The following NID2 variants were observed in gnomAD, a reference collection of about 807,000 sequenced individuals.
NID2 encodes the protein nidogen-2.
A neutral mutation model predicts 145.4 loss-of-function variants in NID2; 83 were observed. The ratio of observed to expected loss-of-function variants is 0.57; its 90% confidence interval spans 0.48 to 0.69. The LOEUF is 0.69. NID2 is among the 30% of genes least tolerant of loss of function. NID2 has a pLI of 0.00. For missense variants in NID2, 1,807 were observed against 1,765.7 expected (o/e 1.02, Z -0.42); for synonymous variants, 739 against 701.3 (o/e 1.05, Z -0.85).
intron 5 of NID2, among the ~76,000 whole-genome samples, chr14:52,045,901 G>GTA (rs386381376): frequency 3.3e-5 from 5 of 151,928 alleles, no homozygotes; most frequent in African/African-American, 1.2e-4. Context: ...TATGCAAACT[G>GTA]TCTTTCAGCT....
intron 1 of NID2, among the ~76,000 whole-genome samples, chr14:52,068,483 C>T (rs962828169): frequency 6.6e-6 from 1 of 152,238 alleles, no homozygotes; most frequent in Non-Finnish European, 1.5e-5. Flanking sequence ...AGCCTTCTCG[C>T]GGTCCTAACT....
intron 12 of NID2, among the ~76,000 whole-genome samples, chr14:52,025,813 C>A (rs1320568378): frequency 6.6e-6 from 1 of 150,780 alleles, no homozygotes; most frequent in Non-Finnish European, 1.5e-5. Flanking sequence ...CCCTACCTCT[C>A]AATACTGCCA....
Position 52,014,311 on chromosome 14 carries a change from T to C in NID2, c.3396A>G (p.Ala1132=), listed in dbSNP as rs773670176. The C allele has an allele frequency of 6.2e-7, 1 of 1,614,224 alleles. No individual in the cohort carries two copies. The highest frequency in any genetic ancestry group is 2.2e-5 in the East Asian group (1 of 44,874). ...CATGCAGAGACAGCAGGGTCTTAGC[T>C]GCATCCTTCTGAAGCCTGGTGCCAT... ...PLNGTRLQKD[A]AKTLLSLHGS... Residue 1132 remains alanine (A), a synonymous_variant, in exon 16 of 22, where the codon GCA becomes GCG. Transcript: ENST00000216286.
In NID2 at chr14:52,030,562, A is replaced by ACG. The variant is rs1555363717; in HGVS notation, c.2258-873_2258-872insCG. ...AAAGAAAGAAAGAAAGAAAGAAAGAAAGAAAGGAAGGAAGGGAAAGAAAGA... is the reference window on the plus strand; with the variant it reads ...AAAGAAAGAAAGAAAGAAAGAAAGAACGAGAAAGGAAGGAAGGGAAAGAAAGA... On this transcript the variant is annotated intron_variant, in intron 9 of 21. Transcript: ENST00000216286. 1.4e-3 allele frequency among the ~76,000 whole-genome samples: 91 copies of ACG among 65,090 alleles called. 3 individuals are homozygous for ACG. The highest frequency in any genetic ancestry group is 4.8e-3 in the Admixed American group (26 of 5,468). 42.7% of individuals were successfully genotyped at this position (65,090 alleles called of 152,430 possible).
chr14:52,027,133 T>C lies in NID2; in HGVS notation c.2674+68A>G, dbSNP rs1231197069. 8 of 1,370,242 alleles carry C rather than the reference T, an allele frequency of 5.8e-6. No homozygotes were observed. The African/African-American group carries it at 7.5e-5, about 13-fold the overall frequency. The allele number at this position is 1,370,242 out of a possible 1,614,324, so 84.9% of individuals were successfully genotyped here. A position where few individuals can be genotyped will look rare whatever the true frequency, so the allele number is the denominator to read the frequency against. On this transcript the variant is annotated intron_variant, in intron 12 of 21. Coordinates refer to ENST00000216286, the MANE Select transcript of NID2 (RefSeq NM_007361.4). ...AGTCCTTTGTCTTTTCTGGGAGAGC[T>C]CCATCTATGTGGGGATGTGCATCCA...
At chr14:52,014,515 A>G (rs1166489290) in intron 15 of NID2, 59 bp from the exon 16 acceptor site, 1 of 1,526,914 alleles carries the variant, frequency 6.5e-7, no homozygotes, top group Non-Finnish European at 8.9e-7. Flanking sequence ...GGAGATGGGA[A>G]GAAAAGTTAC....
chr14:52,024,405 C>T (rs1262369307), intron 12 of NID2, among the ~76,000 whole-genome samples: 1 of 152,206 alleles, frequency 6.6e-6, no homozygotes, highest in East Asian at 1.9e-4. Context: ...CAACAACCAG[C>T]AAGGAACCAA....
At chr14:52,030,059 A>G (rs557605683) in intron 9 of NID2, among the ~76,000 whole-genome samples, 1 of 152,286 alleles carries the variant, frequency 6.6e-6, no homozygotes, top group Admixed American at 6.5e-5. Flanking sequence ...TTCACAGATA[A>G]GGAAATCAAG....
rs185396839 is a variant in NID2 at position 52,060,110 on chromosome 14, T to A, written c.767+14A>T. ...TATTCAAATAGGAAAGGGCTTCAGC[T>A]CAATGTTACTTACTGATAGAGATTT... On this transcript the variant is annotated intron_variant, in intron 3 of 21. Transcript: ENST00000216286. The A allele has an allele frequency of 4.3e-5, 67 of 1,571,266 alleles. No individual in the cohort carries two copies. The East Asian group carries it at 1.4e-3, about 32-fold the overall frequency.
intron 18 of NID2, chr14:52,010,634 GAC>G (rs1304531230): frequency 2.4e-6 from 1 of 417,210 alleles, no homozygotes; most frequent in African/African-American, 2.0e-5. Context: ...TCACATCACA[GAC>G]TAATATTGTT....
chr14:52,036,602 C>T (rs1311987184), intron 9 of NID2, among the ~76,000 whole-genome samples: 2 of 152,210 alleles, frequency 1.3e-5, no homozygotes, highest in Non-Finnish European at 2.9e-5. Flanking sequence ...ACAGTAGCCA[C>T]ATCATTTTAT....
intron 18 of NID2, 35 bp from the exon 19 acceptor site, chr14:52,008,002 C>A (rs756927492): frequency 6.4e-7 from 1 of 1,573,004 alleles, no homozygotes; most frequent in South Asian, 1.2e-5. Flanking sequence ...AAAAGAATAG[C>A]CATGTAGCCT....
chr14:52,011,148 A>G, intron 17 of NID2, 101 bp from the exon 18 acceptor site: 1 of 1,163,620 alleles, frequency 8.6e-7, no homozygotes, highest in Admixed American at 2.0e-5. Context: ...AGCAGGGGAA[A>G]GCAAAGCCCA....
chr14:52,068,160 C>T lies in NID2; in HGVS notation c.232G>A (p.Gly78Ser), dbSNP rs1160538672. Residue 78 changes from glycine (G) to serine (S), a missense_variant, in exon 2 of 22, where the codon GGC becomes AGC. Coordinates refer to ENST00000216286, the MANE Select transcript of NID2 (RefSeq NM_007361.4). Reference sequence around the variant, plus strand: ...TGAGTGGAGATGATGCCGTTGGTGCCCACCTGGGAGAGGAGAGGGACAAAA... The same window carrying T: ...TGAGTGGAGATGATGCCGTTGGTGCTCACCTGGGAGAGGAGAGGGACAAAA... Reference protein sequence around the residue: ...YEARFSNLYVGTNGIISTQDF... With the variant: ...YEARFSNLYVSTNGIISTQDF... 1 of 1,612,862 alleles carries T rather than the reference C, an allele frequency of 6.2e-7. No individual in the cohort carries two copies. Among genetic ancestry groups the T allele is most frequent in the African/African-American group, 1.3e-5 (1 of 75,038 alleles).
rs141679360 is a variant in NID2, at chr14:52,037,418, A to G, written c.2257+1329T>C. On this transcript the variant is annotated intron_variant, in intron 9 of 21. Coordinates refer to ENST00000216286, the MANE Select transcript of NID2 (RefSeq NM_007361.4). ...ATTAACTCGTCATTTAGCATTAGGT[A>G]TATCTCCTAATGCTATCCCTCCCCA... Among the ~76,000 whole-genome samples the G allele has an allele frequency of 1.0e-3, 158 of 152,218 alleles. 1 individual carries two copies. The highest frequency in any genetic ancestry group is 3.6e-3 in the African/African-American group (148 of 41,538).
chr14:52,010,290 TTTCTCAAGATATAAAAATTCTCCCTGA>T (rs1462412395), intron 18 of NID2: 1 of 152,234 alleles, frequency 6.6e-6, no homozygotes, highest in Non-Finnish European at 1.5e-5. Flanking sequence ...ATGGCAAGAG[TTTCTCAAGATATAAAAATTCTCCCTGA>T]TTGTAACAAG....
intron 14 of NID2, 118 bp downstream of exon 14, chr14:52,018,943 G>T: frequency 1.4e-6 from 1 of 695,036 alleles, no homozygotes; most frequent in Non-Finnish European, 2.5e-6. Flanking sequence ...AGTCTTCTCA[G>T]GAGGAAAGAG....
chr14:52,026,302 G>T (rs559876038), intron 12 of NID2, among the ~76,000 whole-genome samples: 1 of 152,352 alleles, frequency 6.6e-6, no homozygotes, highest in African/African-American at 2.4e-5. Flanking sequence ...TCAGCTCGGT[G>T]GGCCTGGGCG....
intron 10 of NID2, 66 bp downstream of exon 10, chr14:52,029,479 CAT>C: frequency 2.9e-5 from 44 of 1,497,484 alleles, no homozygotes; most frequent in Non-Finnish European, 3.6e-5. Context: ...CTTCTACAGA[CAT>C]AAGGCTGGGG....
Sources: gnomAD v4.1 joint callset for allele counts (sites outside exome capture counted in the v4.1 genomes callset) on GRCh38, gnomAD v4.1.1 for gene constraint, MANE v1.5 for transcripts, NCBI Gene and HGNC (gene_info 2026-07-23, HGNC 2026-07-21) for gene names.